EDEM1: variants seen among roughly 807,000 people sequenced by gnomAD.
EDEM1 encodes ER degradation-enhancing alpha-mannosidase-like protein 1.
Under a neutral mutation model 74.4 loss-of-function variants are expected in EDEM1, and 67 were observed. The observed-to-expected ratio is 0.90, with a 90% CI of 0.74 to 1.10. EDEM1 has a LOEUF of 1.10. Ranked by LOEUF, EDEM1 falls within the 50% of genes least tolerant of loss-of-function variation. The pLI, the probability that EDEM1 is intolerant of heterozygous loss-of-function variation, is 0.00. For synonymous variants in EDEM1, 382 were observed against 335.9 expected (o/e 1.14, Z -1.50); for missense variants, 926 against 851.6 (o/e 1.09, Z -1.09).
At chr3:5,203,724 G>T (rs564098382) in intron 5 of EDEM1, among the ~76,000 whole-genome samples, 3 of 152,216 alleles carry the variant, frequency 2.0e-5, no homozygotes, top group Non-Finnish European at 4.4e-5. Flanking sequence ...CTAACTCAAG[G>T]TGTTATTTTA....
rs139738793 is a variant in EDEM1, at chr3:5,213,482, C to A, written c.1844C>A (p.Pro615Gln). Residue 615 changes from proline to glutamine, a missense_variant, in exon 11 of 12, where the codon CCG becomes CAG. Physicochemically the swap from Pro to Gln is moderately conservative, Grantham distance 76 (BLOSUM62 -1). Coordinates refer to ENST00000256497, the MANE Select transcript of EDEM1 (RefSeq NM_014674.3). ...CAAGGGGGAAAGTCTGTGCACAGGC[C>A]GAAACCTCATGAGTTAAAAGTCATC... is the stretch of plus-strand genomic sequence containing the variant. Reference protein sequence around the residue: ...QDQGGKSVHRPKPHELKVINS... With the variant: ...QDQGGKSVHRQKPHELKVINS... The A allele has an allele frequency of 6.2e-7, 1 of 1,613,702 alleles. No homozygotes were observed. The highest frequency in any genetic ancestry group is 1.1e-5 in the South Asian group (1 of 91,002).
intron 3 of EDEM1, among the ~76,000 whole-genome samples, chr3:5,201,037 C>T (rs1316208147): frequency 2.0e-5 from 3 of 152,004 alleles, no homozygotes; most frequent in Admixed American, 2.0e-4. Context: ...GCTGGGACTA[C>T]AGGCAAATGT....
intron 1 of EDEM1, 134 bp downstream of exon 1, chr3:5,188,448 C>A: frequency 9.3e-7 from 1 of 1,070,830 alleles, no homozygotes; most frequent in Non-Finnish European, 1.2e-6. Context: ...CGCTCCCGCG[C>A]CCTGTCCCGT....
At position 5,219,668 on chromosome 3, in the gene EDEM1, A is replaced by G. The variant is rs933147395; in HGVS notation, c.*3750A>G. ...ATAGCAAAACACAAGCTGCATTTTT[A>G]TTTATTTTGCATAAGAAAGGTAAAT... On this transcript the variant is annotated 3_prime_UTR_variant, in exon 12 of 12. Transcript: ENST00000256497. 2 of 152,588 alleles carry G rather than the reference A, an allele frequency of 1.3e-5. No individual in the cohort carries two copies. The highest frequency in any genetic ancestry group is 4.8e-5 in the African/African-American group (2 of 41,442). The allele number at this position is 152,588 out of a possible 1,614,324, so 9.5% of individuals were successfully genotyped here.
chr3:5,201,027 G>T (rs2055028733), intron 3 of EDEM1, among the ~76,000 whole-genome samples: 1 of 151,832 alleles, frequency 6.6e-6, no homozygotes, highest in Non-Finnish European at 1.5e-5. Context: ...CTCCCAAATA[G>T]CTGGGACTAC....
chr3:5,196,452 A>G (rs1458841024), intron 2 of EDEM1, among the ~76,000 whole-genome samples: 5 of 103,588 alleles, frequency 4.8e-5, no homozygotes, highest in Non-Finnish European at 1.1e-4. Context: ...GTGAGACTCC[A>G]TCTCTGGAGA....
At chr3:5,188,678 T>G (rs1215921403) in intron 1 of EDEM1, among the ~76,000 whole-genome samples, 1 of 152,180 alleles carries the variant, frequency 6.6e-6, no homozygotes, top group African/African-American at 2.4e-5. Context: ...CGGATGAGCA[T>G]AAACTCTAAA....
intron 6 of EDEM1, among the ~76,000 whole-genome samples, chr3:5,205,587 A>G (rs372047054): frequency 2.7e-3 from 404 of 152,338 alleles, no homozygotes; most frequent in African/African-American, 3.3e-3. Flanking sequence ...CTAAGGCCCA[A>G]TGGTGCTGGG....
chr3:5,211,501 C>A (rs1174862386), intron 10 of EDEM1: 1 of 341,554 alleles, frequency 2.9e-6, no homozygotes, highest in Non-Finnish European at 5.7e-6. Flanking sequence ...AGTTCTGTAT[C>A]TAACTACAGG....
Position 5,207,551 on chromosome 3 carries a change from G to T in EDEM1, c.1338+278G>T, listed in dbSNP as rs139651110. Reference sequence around the variant, plus strand: ...AGATGAAGTCTTCCTCTGTTGCTCAGGCTGGAGTGCAGTGGCGCAATCTTG... The same window carrying T: ...AGATGAAGTCTTCCTCTGTTGCTCATGCTGGAGTGCAGTGGCGCAATCTTG... On this transcript the variant is annotated intron_variant, in intron 7 of 11. Coordinates refer to ENST00000256497, the MANE Select transcript of EDEM1 (RefSeq NM_014674.3). Among the ~76,000 whole-genome samples the T allele has an allele frequency of 9.0e-3, 1,367 of 152,294 alleles. 20 individuals are homozygous for T. Among genetic ancestry groups the T allele is most frequent in the South Asian group, 0.036 (173 of 4,820 alleles).
At chr3:5,194,378 C>G (rs1479363197) in intron 1 of EDEM1, among the ~76,000 whole-genome samples, 2 of 152,148 alleles carry the variant, frequency 1.3e-5, no homozygotes, top group African/African-American at 4.8e-5. Context: ...CTTTATTTTA[C>G]TAGTTCTTCA....
Position 5,188,447 on chromosome 3 carries a change from G to A in EDEM1, c.509+133G>A, listed in dbSNP as rs556290078. On this transcript the variant is annotated intron_variant, in intron 1 of 11. Coordinates refer to ENST00000256497, the MANE Select transcript of EDEM1 (RefSeq NM_014674.3). Reference sequence around the variant, plus strand: ...TTAGGGTCCCGGGCAGCGCTCCCGCGCCCTGTCCCGTGTGAGTCCCTGTGA... The same window carrying A: ...TTAGGGTCCCGGGCAGCGCTCCCGCACCCTGTCCCGTGTGAGTCCCTGTGA... 9.3e-6 allele frequency: 10 copies of A among 1,071,996 alleles called. No homozygotes were observed. The East Asian group carries it at 3.4e-4, about 36-fold the overall frequency. The allele number at this position is 1,071,996 out of a possible 1,614,324, so 66.4% of individuals were successfully genotyped here. A position where few individuals can be genotyped will look rare whatever the true frequency, so the allele number is the denominator to read the frequency against.
intron 2 of EDEM1, among the ~76,000 whole-genome samples, chr3:5,197,299 G>A (rs1055977732): frequency 1.3e-5 from 2 of 152,116 alleles, no homozygotes; most frequent in Admixed American, 6.5e-5. Context: ...AATTCCGTAT[G>A]TCTGGTCCCA....
At chr3:5,198,223 A>G (rs564186443) in intron 2 of EDEM1, among the ~76,000 whole-genome samples, 3 of 151,952 alleles carry the variant, frequency 2.0e-5, no homozygotes, top group East Asian at 1.9e-4. Context: ...AATTTTTTGT[A>G]TTTTTAGTAG....
In EDEM1 at chr3:5,210,186, T is replaced by C. The variant is rs144357818; in HGVS notation, c.1521T>C (p.Asn507=). Residue 507 remains asparagine (N), a synonymous_variant, in exon 9 of 12, where the codon AAT becomes AAC. Coordinates refer to ENST00000256497, the MANE Select transcript of EDEM1 (RefSeq NM_014674.3). The stretch of plus-strand genomic sequence containing the variant: ...CGTGTTCTCTCTAGGCAACCAAGAA[T>C]CCCTTCTACCTCCATGTAGGAATGG... ...STYLLYQATK[N]PFYLHVGMDI... 11 of 1,614,066 alleles carry C rather than the reference T, an allele frequency of 6.8e-6. No homozygotes were observed. In the African/African-American group the frequency reaches 9.3e-5, roughly 14 times the overall value.
At position 5,205,131 on chromosome 3, in the gene EDEM1, G is replaced by A. The variant is rs1331534382; in HGVS notation, c.1107G>A (p.Leu369=). 7 of 1,614,034 alleles carry A rather than the reference G, an allele frequency of 4.3e-6. No individual in the cohort carries two copies. The highest frequency in any genetic ancestry group is 1.7e-5 in the Admixed American group (1 of 60,006). The change falls in exon 6 of 12, where the codon CTG becomes CTA. Residue 369 remains leucine, a synonymous_variant. Transcript: ENST00000256497. ...VGKQSGLGAG[L]DSFYEYLLKS... ...AGCAGAGTGGCCTGGGTGCCGGGCT[G>A]GACTCCTTCTATGAATACCTCTTGA...
chr3:5,207,975 G>A (rs1410513889), intron 7 of EDEM1, 118 bp from the exon 8 acceptor site: 36 of 1,255,610 alleles, frequency 2.9e-5, no homozygotes, highest in South Asian at 2.0e-4. Flanking sequence ...GTCTTTAACC[G>A]TATGTGTAGG....
At chr3:5,189,868 G>A (rs950700378) in intron 1 of EDEM1, among the ~76,000 whole-genome samples, 4 of 152,220 alleles carry the variant, frequency 2.6e-5, no homozygotes, top group African/African-American at 9.7e-5. Context: ...CAAAGTGCTG[G>A]GATTACAGGC....
chr3:5,190,002 G>GC (rs11404596), intron 1 of EDEM1, among the ~76,000 whole-genome samples: 1 of 150,830 alleles, frequency 6.6e-6, no homozygotes, highest in Non-Finnish European at 1.5e-5. Context: ...TTTTTTTTGG[G>GC]GGGGGGGATA....
Sources: gnomAD v4.1 joint callset for allele counts (sites outside exome capture counted in the v4.1 genomes callset) on GRCh38, gnomAD v4.1.1 for gene constraint, MANE v1.5 for transcripts, NCBI Gene and HGNC (gene_info 2026-07-23, HGNC 2026-07-21) for gene names.